IL17RB: variants seen among roughly 807,000 people sequenced by gnomAD.
IL17RB encodes interleukin-17 receptor B.
In IL17RB, 36 loss-of-function variants were observed where a neutral mutation model predicts 43.9. That is an observed-to-expected ratio of 0.82 (90% CI 0.63 to 1.08). The LOEUF (loss-of-function observed/expected upper bound fraction) is 1.08. IL17RB is among the 50% of genes least tolerant of loss of function. IL17RB has a pLI of 0.00. For synonymous variants in IL17RB, 225 were observed against 225.4 expected, an observed-to-expected ratio of 1.00 and a Z score of 0.02; for missense variants, 613 against 613.6, an observed-to-expected ratio of 1.00 and a Z score of 0.01.
In IL17RB at chr3:53,860,156, CCT is replaced by C. The variant is rs1434789379; in HGVS notation, c.878_879del (p.Leu293ProfsTer40). 6.2e-7 allele frequency: 1 copy of C among 1,614,000 alleles called. No individual in the cohort carries two copies. Among genetic ancestry groups the C allele is most frequent in the East Asian group, 2.2e-5 (1 of 44,892 alleles). The stretch of plus-strand genomic sequence containing the variant: ...CAAAAGCAAGCCGGGAGGCTGGCTG[CCT>C]CTCCTCCTGCTGTCTCTGCTGGTGG... ...NNKSKPGGWL[P>X]LLLLSLLVAT... On this transcript the variant is annotated frameshift_variant, in exon 10 of 11. Coordinates refer to ENST00000288167, the MANE Select transcript of IL17RB (RefSeq NM_018725.4). LOFTEE classifies it high-confidence loss of function.
At chr3:53,863,924 G>A (rs752484690) in intron 10 of IL17RB, among the ~76,000 whole-genome samples, 4 of 150,994 alleles carry the variant, frequency 2.6e-5, no homozygotes, top group African/African-American at 4.9e-5. Context: ...CTGAGCTCAA[G>A]TGAACCTCCC....
intron 8 of IL17RB, 89 bp downstream of exon 8, chr3:53,857,779 C>A: frequency 8.6e-7 from 1 of 1,167,256 alleles, no homozygotes; most frequent in South Asian, 1.3e-5. Flanking sequence ...TCTCTCTTGT[C>A]AAATGCACTT....
At position 53,855,318 on chromosome 3, in the gene IL17RB, A is replaced by AT; in HGVS notation, c.507dup (p.Lys170Ter). ...GGCTGCCTAGACCACATAATGAAATATAAAAAAAAGTGTGTCAAGGCCGGT... is the reference window on the plus strand; with the variant it reads ...GGCTGCCTAGACCACATAATGAAATATTAAAAAAAAGTGTGTCAAGGCCGGT... On this transcript the variant is annotated frameshift_variant, in exon 6 of 11. Transcript: ENST00000288167. LOFTEE classifies it high-confidence loss of function. The AT allele has an allele frequency of 6.2e-7, 1 of 1,608,620 alleles. No homozygotes were observed. The highest frequency in any genetic ancestry group is 2.2e-5 in the East Asian group (1 of 44,854).
chr3:53,862,046 A>G (rs1042495735), intron 10 of IL17RB, among the ~76,000 whole-genome samples: 4 of 152,206 alleles, frequency 2.6e-5, no homozygotes, highest in African/African-American at 7.2e-5. Context: ...TTGGTTGTAC[A>G]ATAAGAAGGC....
chr3:53,857,289 T>G (rs1699372987), intron 7 of IL17RB, among the ~76,000 whole-genome samples: 1 of 152,158 alleles, frequency 6.6e-6, no homozygotes, highest in Non-Finnish European at 1.5e-5. Context: ...TCATAATTTT[T>G]GGGGGGCGGA....
intron 8 of IL17RB, 26 bp downstream of exon 8, chr3:53,857,716 G>T (rs1248115114): frequency 1.3e-6 from 2 of 1,584,556 alleles, no homozygotes; most frequent in South Asian, 2.2e-5. Context: ...CTGCTCTGGG[G>T]AGGGAAGGGA....
chr3:53,860,964 T>C (rs1399252829), intron 10 of IL17RB: 1 of 152,194 alleles, frequency 6.6e-6, no homozygotes, highest in Non-Finnish European at 1.5e-5. Flanking sequence ...AAAGATGTGG[T>C]ATTAAATCAT....
chr3:53,862,718 A>C (rs987718403), intron 10 of IL17RB, among the ~76,000 whole-genome samples: 13 of 152,192 alleles, frequency 8.5e-5, no homozygotes, highest in Admixed American at 1.3e-4. Flanking sequence ...GACATTAAAC[A>C]ATCTGGCAGG....
In IL17RB at chr3:53,861,276, A is replaced by G. The variant is rs1393158845; in HGVS notation, c.946+1048A>G. On this transcript the variant is annotated intron_variant, in intron 10 of 10. Coordinates refer to ENST00000288167, the MANE Select transcript of IL17RB (RefSeq NM_018725.4). ...GGCAGTGCTCCCAAGAAGCAGTGTC[A>G]TGAAAAAAAGCAAAAAAAACTTTTT... The G allele has an allele frequency of 2.6e-5, 4 of 151,488 alleles. No individual in the cohort carries two copies. The East Asian group carries it at 7.8e-4, about 30-fold the overall frequency. 9.4% of individuals were successfully genotyped at this position (151,488 alleles called of 1,614,324 possible). A position where few individuals can be genotyped will look rare whatever the true frequency, so the allele number is the denominator to read the frequency against.
rs1402631296 is a variant in IL17RB, at chr3:53,865,631, C to T, written c.*323C>T. 8.9e-6 allele frequency: 2 copies of T among 224,728 alleles called. No individual in the cohort carries two copies. The highest frequency in any genetic ancestry group is 4.6e-5 in the African/African-American group (2 of 43,848). The allele number at this position is 224,728 out of a possible 1,614,324, so 13.9% of individuals were successfully genotyped here. On this transcript the variant is annotated 3_prime_UTR_variant, in exon 11 of 11. Coordinates refer to ENST00000288167, the MANE Select transcript of IL17RB (RefSeq NM_018725.4). The stretch of plus-strand genomic sequence containing the variant: ...TCCATAGACCATGCATTGCAGTGTA[C>T]CCAGAACTGTTTAGCTAATATTCTA...
chr3:53,854,639 G>A (rs1192502617), intron 5 of IL17RB, among the ~76,000 whole-genome samples: 1 of 152,148 alleles, frequency 6.6e-6, no homozygotes, highest in African/African-American at 2.4e-5. Context: ...CAGGCTGGGG[G>A]TCACCATCAA....
intron 10 of IL17RB, among the ~76,000 whole-genome samples, chr3:53,863,907 CT>C (rs1379163042): frequency 1.3e-5 from 2 of 151,080 alleles, no homozygotes; most frequent in Non-Finnish European, 2.9e-5. Context: ...ACTGCAACCT[CT>C]GCCTCCTGAG....
In IL17RB at chr3:53,853,193, G is replaced by A. The variant is rs41276459; in HGVS notation, c.481+196G>A. ...GAGAATAAAGTCAGGTAAAATGTAG[G>A]AAAAAGTCTGTTCCTGTATGCCAGG... On this transcript the variant is annotated intron_variant, in intron 5 of 10. Transcript: ENST00000288167. Among the ~76,000 whole-genome samples, 1,125 of 152,304 alleles carry A rather than the reference G, an allele frequency of 7.4e-3. 8 individuals are homozygous for A. Among genetic ancestry groups the A allele is most frequent in the Non-Finnish European group, 0.013 (888 of 68,026 alleles).
chr3:53,865,193 A>C lies in IL17RB; in HGVS notation c.1394A>C (p.Lys465Thr), dbSNP rs747666253. The change falls in exon 11 of 11, where the codon AAG becomes ACG. Residue 465 changes from lysine (K) to threonine (T), a missense_variant. By Grantham distance (78) the Lys-to-Thr change is moderately conservative. Coordinates refer to ENST00000288167, the MANE Select transcript of IL17RB (RefSeq NM_018725.4). ...DDYNALSVCP[K>T]YHLMKDATAF... Reference sequence around the variant, plus strand: ...TACAATGCTCTCAGTGTCTGCCCCAAGTACCACCTCATGAAGGATGCCACT... The same window carrying C: ...TACAATGCTCTCAGTGTCTGCCCCACGTACCACCTCATGAAGGATGCCACT... 1 of 1,614,158 alleles carries C rather than the reference A, an allele frequency of 6.2e-7. No homozygotes were observed. Among genetic ancestry groups the C allele is most frequent in the Non-Finnish European group, 8.5e-7 (1 of 1,180,018 alleles).
intron 10 of IL17RB, among the ~76,000 whole-genome samples, chr3:53,862,938 G>A (rs540088241): frequency 7.8e-4 from 118 of 152,170 alleles, no homozygotes; most frequent in African/African-American, 2.7e-3. Context: ...CTCTTCCACC[G>A]CTTCTGCCTC....
Position 53,865,177 on chromosome 3 carries a change from C to G in IL17RB, c.1378C>G (p.Leu460Val), listed in dbSNP as rs781706838. Residue 460 changes from leucine (L) to valine (V), a missense_variant, in exon 11 of 11, where the codon CTC (leucine) becomes GTC (valine). Coordinates refer to ENST00000288167, the MANE Select transcript of IL17RB (RefSeq NM_018725.4). ...EIDTKDDYNA[L>V]SVCPKYHLMK... ...TGATACAAAAGACGATTACAATGCTCTCAGTGTCTGCCCCAAGTACCACCT... is the reference window on the plus strand; with the variant it reads ...TGATACAAAAGACGATTACAATGCTGTCAGTGTCTGCCCCAAGTACCACCT... The G allele has an allele frequency of 2.5e-6, 4 of 1,614,162 alleles. No homozygotes were observed. The South Asian group carries it at 4.4e-5, about 18-fold the overall frequency.
chr3:53,847,259 T>G (rs1467066189), intron 1 of IL17RB, among the ~76,000 whole-genome samples: 2 of 152,174 alleles, frequency 1.3e-5, no homozygotes, highest in Admixed American at 1.3e-4. Flanking sequence ...CACCTGCTGG[T>G]GGACAAACCC....
chr3:53,865,251 G>A lies in IL17RB; in HGVS notation c.1452G>A (p.Gln484=). The change falls in exon 11 of 11, where the codon CAG becomes CAA. Residue 484 remains glutamine, a synonymous_variant. Transcript: ENST00000288167. The part of the protein sequence containing the change: ...AFCAELLHVK[Q]QVSAGKRSQA... ...GTGCAGAACTTCTCCATGTCAAGCA[G>A]CAGGTGTCAGCAGGAAAAAGATCAC... 1 of 1,611,924 alleles carries A rather than the reference G, an allele frequency of 6.2e-7. No individual in the cohort carries two copies. Among genetic ancestry groups the A allele is most frequent in the East Asian group, 2.2e-5 (1 of 44,884 alleles).
chr3:53,855,408 T>G, intron 6 of IL17RB, 67 bp downstream of exon 6: 2 of 1,132,992 alleles, frequency 1.8e-6, no homozygotes, highest in Non-Finnish European at 2.6e-6. Context: ...CATAGCTCTC[T>G]TCATCTTTGC....
Sources: allele counts gnomAD v4.1 joint callset (sites outside exome capture counted in the v4.1 genomes callset), GRCh38; gene constraint gnomAD v4.1.1; transcripts MANE v1.5; gene names NCBI Gene and HGNC (gene_info 2026-07-23, HGNC 2026-07-21).